The following ARHGAP11A variants were observed in gnomAD, a reference collection of about 807,000 sequenced individuals.
ARHGAP11A encodes the protein Rho GTPase activating protein 11A.
In ARHGAP11A, 36 loss-of-function variants were observed where a neutral mutation model predicts 60.5. The ratio of observed to expected loss-of-function variants is 0.59; its 90% CI spans 0.46 to 0.79. The LOEUF is 0.79. Ranked by LOEUF, ARHGAP11A falls within the 30% of genes least tolerant of loss-of-function variation. ARHGAP11A has a pLI of 0.00. For synonymous variants in ARHGAP11A, 362 were observed against 415.5 expected, an observed-to-expected ratio of 0.87 and a Z score of 1.57; for missense variants, 1,071 against 1,199.2, an observed-to-expected ratio of 0.89 and a Z score of 1.58.
At chr15:32,624,056 A>G (rs1468889793) in intron 3 of ARHGAP11A, 117 bp from the exon 4 acceptor site, 1 of 944,388 alleles carries the variant, frequency 1.1e-6, no homozygotes, top group Admixed American at 2.7e-5. Flanking sequence ...ATATATTAAA[A>G]TAAGAGTTAA....
At chr15:32,626,312 C>T (rs2053456847) in intron 6 of ARHGAP11A, among the ~76,000 whole-genome samples, 1 of 151,788 alleles carries the variant, frequency 6.6e-6, no homozygotes, top group African/African-American at 2.4e-5. Context: ...GTTAGGAGTA[C>T]GAACTAAATA....
At chr15:32,627,124 C>T (rs976058700) in intron 6 of ARHGAP11A, among the ~76,000 whole-genome samples, 1 of 152,000 alleles carries the variant, frequency 6.6e-6, no homozygotes, top group Non-Finnish European at 1.5e-5. Context: ...GTTATCACAT[C>T]TAAATAGATA....
At chr15:32,632,630 TAGTA>T (rs1256552810) in intron 8 of ARHGAP11A, among the ~76,000 whole-genome samples, 1 of 152,202 alleles carries the variant, frequency 6.6e-6, no homozygotes, top group Non-Finnish European at 1.5e-5. Context: ...TAAAGCCATT[TAGTA>T]AGTGATGGAG....
At position 32,624,521 on chromosome 15, in the gene ARHGAP11A, A is replaced by T; in HGVS notation, c.551+95A>T. The T allele has an allele frequency of 2.7e-6, 4 of 1,459,142 alleles. No individual in the cohort carries two copies. In the Admixed American group the frequency reaches 7.4e-5, roughly 27 times the overall value. The allele number at this position is 1,459,142 out of a possible 1,614,324, so 90.4% of individuals were successfully genotyped here. A position where few individuals can be genotyped will look rare whatever the true frequency, so the allele number is the denominator to read the frequency against. On this transcript the variant is annotated intron_variant, in intron 4 of 11. Coordinates refer to ENST00000361627, the MANE Select transcript of ARHGAP11A (RefSeq NM_014783.6). ...ATGTACAATTTCATTTGGAATGGAAATTTTTCTTTAAAAATTCCATATTTC... is the reference window on the plus strand; with the variant it reads ...ATGTACAATTTCATTTGGAATGGAATTTTTTCTTTAAAAATTCCATATTTC...
chr15:32,636,082 A>G, intron 11 of ARHGAP11A, 167 bp downstream of exon 11: 1 of 1,375,426 alleles, frequency 7.3e-7, no homozygotes, highest in Non-Finnish European at 9.4e-7. Flanking sequence ...CAATTGGGAA[A>G]TGCTTATACA....
chr15:32,621,539 A>T (rs553653579), intron 2 of ARHGAP11A, among the ~76,000 whole-genome samples: 70 of 152,404 alleles, frequency 4.6e-4, no homozygotes, highest in Non-Finnish European at 8.7e-4. Context: ...TTAAGAATAT[A>T]ATTTAGCCGG....
At chr15:32,631,167 C>A (rs1381762370) in intron 8 of ARHGAP11A, among the ~76,000 whole-genome samples, 1 of 152,176 alleles carries the variant, frequency 6.6e-6, no homozygotes, top group East Asian at 1.9e-4. Context: ...AGCCACAATT[C>A]AACAAATTCC....
rs1211998160 is a variant in ARHGAP11A at position 32,637,922 on chromosome 15, G to A, written c.*77G>A. 1 of 1,243,108 alleles carries A rather than the reference G, an allele frequency of 8.0e-7. No individual in the cohort carries two copies. Among genetic ancestry groups the A allele is most frequent in the African/African-American group, 1.5e-5 (1 of 65,662 alleles). 77.0% of individuals were successfully genotyped at this position (1,243,108 alleles called of 1,614,324 possible). On this transcript the variant is annotated 3_prime_UTR_variant, in exon 12 of 12. Coordinates refer to ENST00000361627, the MANE Select transcript of ARHGAP11A (RefSeq NM_014783.6). ...GACTTGCAGGATGATGTACATGTTA[G>A]TTTGTAGCTCAGGATGATTGTTAAG...
upstream of ARHGAP11A, chr15:32,615,179 A>G (rs1040233741): frequency 5.3e-5 from 8 of 152,134 alleles, no homozygotes; most frequent in Non-Finnish European, 8.8e-5. Flanking sequence ...CTTCAGCGAC[A>G]GCCAAGCTCG....
chr15:32,625,052 C>G (rs566848484), intron 4 of ARHGAP11A, 28 bp from the exon 5 acceptor site: 1 of 1,611,484 alleles, frequency 6.2e-7, no homozygotes, highest in Admixed American at 1.7e-5. Flanking sequence ...CGTTTGGCTC[C>G]ATCTAATAAA....
rs909706856 is a variant in ARHGAP11A, at chr15:32,638,021, T to C, written c.*176T>C. 1.7e-6 allele frequency: 1 copy of C among 598,886 alleles called. No individual in the cohort carries two copies. The highest frequency in any genetic ancestry group is 2.8e-6 in the Non-Finnish European group (1 of 361,462). 37.1% of individuals were successfully genotyped at this position (598,886 alleles called of 1,614,324 possible). ...CAACTTAGATTTTTATTTGTACAAA[T>C]TACTTCTTTGTTTTTCTTAATGATG... On this transcript the variant is annotated 3_prime_UTR_variant, in exon 12 of 12. Coordinates refer to ENST00000361627, the MANE Select transcript of ARHGAP11A (RefSeq NM_014783.6).
Position 32,639,425 on chromosome 15 carries a change from G to T in ARHGAP11A, c.*1580G>T, listed in dbSNP as rs577120071. 1 of 152,236 alleles carries T rather than the reference G, an allele frequency of 6.6e-6. No homozygotes were observed. The highest frequency in any genetic ancestry group is 6.5e-5 in the Admixed American group (1 of 15,288). The allele number at this position is 152,236 out of a possible 1,614,324, so 9.4% of individuals were successfully genotyped here. ...TCAAATAGGTTTGTAGATGTTTATG[G>T]CATTTCTAATTGTAAGTAGAGACAA... is the stretch of plus-strand genomic sequence containing the variant. On this transcript the variant is annotated 3_prime_UTR_variant, in exon 12 of 12. Coordinates refer to ENST00000361627, the MANE Select transcript of ARHGAP11A (RefSeq NM_014783.6).
intron 2 of ARHGAP11A, among the ~76,000 whole-genome samples, chr15:32,621,120 GT>G (rs1301181473): frequency 2.1e-5 from 1 of 48,126 alleles, no homozygotes; most frequent in African/African-American, 9.7e-5. Flanking sequence ...ATATTAGAGT[GT>G]TTGTGAAAAT....
At position 32,615,887 on chromosome 15, in the gene ARHGAP11A, C is replaced by T. The variant is rs982598162; in HGVS notation, c.-325C>T. 1 of 359,430 alleles carries T rather than the reference C, an allele frequency of 2.8e-6. No individual in the cohort carries two copies. Among genetic ancestry groups the T allele is most frequent in the South Asian group, 6.0e-5 (1 of 16,656 alleles). 22.3% of individuals were successfully genotyped at this position (359,430 alleles called of 1,614,324 possible). A position where few individuals can be genotyped will look rare whatever the true frequency, so the allele number is the denominator to read the frequency against. On this transcript the variant is annotated 5_prime_UTR_variant, in exon 1 of 12. In the 5' UTR this introduces an upstream ATG that the reference lacks. Coordinates refer to ENST00000361627, the MANE Select transcript of ARHGAP11A (RefSeq NM_014783.6). ...GAAGTGGAGAGAATCTGGCAATAGACGAGAAACCGAAAGAATCAGAAAGAA... is the reference window on the plus strand; with the variant it reads ...GAAGTGGAGAGAATCTGGCAATAGATGAGAAACCGAAAGAATCAGAAAGAA...
chr15:32,628,981 C>T (rs2053529612), intron 7 of ARHGAP11A, among the ~76,000 whole-genome samples, 179 bp downstream of exon 7: 1 of 152,082 alleles, frequency 6.6e-6, no homozygotes, highest in Non-Finnish European at 1.5e-5. Context: ...ATTACATAGG[C>T]TATAATGAAC....
intron 10 of ARHGAP11A, among the ~76,000 whole-genome samples, chr15:32,634,577 C>T (rs979542777): frequency 8.5e-5 from 13 of 152,278 alleles, no homozygotes; most frequent in East Asian, 5.8e-4. Flanking sequence ...TGAATGACTC[C>T]GCTGTCTCTT....
chr15:32,633,196 C>T, intron 9 of ARHGAP11A, 88 bp downstream of exon 9: 1 of 1,436,000 alleles, frequency 7.0e-7, no homozygotes, highest in Non-Finnish European at 9.5e-7. Flanking sequence ...TGTCAAGCAT[C>T]ATATTTGAGT....
chr15:32,635,698 C>G (rs1002074010), intron 10 of ARHGAP11A, 79 bp from the exon 11 acceptor site: 1 of 1,021,580 alleles, frequency 9.8e-7, no homozygotes, highest in African/African-American at 1.7e-5. Context: ...ATTTTGATAA[C>G]TACAAAAAAT....
chr15:32,631,360 A>G (rs2053579246), intron 8 of ARHGAP11A, among the ~76,000 whole-genome samples: 1 of 151,632 alleles, frequency 6.6e-6, no homozygotes, highest in Non-Finnish European at 1.5e-5. Context: ...CAATGGCACA[A>G]TCTCGGCTCA....
Sources: allele counts gnomAD v4.1 joint callset (sites outside exome capture counted in the v4.1 genomes callset), GRCh38; gene constraint gnomAD v4.1.1; transcripts MANE v1.5; gene names NCBI Gene and HGNC (gene_info 2026-07-23, HGNC 2026-07-21).